The following CNOT11 variants were observed in gnomAD, a reference collection of about 807,000 sequenced individuals.
CNOT11 encodes the protein CCR4-NOT transcription complex subunit 11, also known as UPF0760 protein C2orf29.
A neutral mutation model predicts 44.6 loss-of-function variants in CNOT11; 18 were observed. That is an observed-to-expected ratio of 0.40 (90% confidence interval 0.28 to 0.60). The LOEUF is 0.60. Among genes scored for constraint, CNOT11 ranks in the 20% least tolerant of loss-of-function variants. The probability of loss-of-function intolerance (pLI) is 0.38; values close to 1 mark genes in which losing one functional copy is unlikely to be tolerated. For missense variants in CNOT11, 513 were observed against 677.0 expected (o/e 0.76, Z 2.69); for synonymous variants, 291 against 270.9 (o/e 1.07, Z -0.73).
intron 1 of CNOT11, among the ~76,000 whole-genome samples, chr2:101,256,624 C>T (rs900882430): frequency 6.6e-6 from 1 of 152,200 alleles, no homozygotes; most frequent in Non-Finnish European, 1.5e-5. Context: ...GCTGGTTGCT[C>T]TTCTATTTAT....
rs111239150 is a variant in CNOT11, at chr2:101,256,148, A to T, written c.515-1643A>T. Among the ~76,000 whole-genome samples the T allele has an allele frequency of 4.8e-3, 721 of 151,774 alleles. 10 individuals are homozygous for T. Among genetic ancestry groups the T allele is most frequent in the African/African-American group, 0.016 (680 of 41,326 alleles). ...AGTGAGACTGCCTCAAAAAAAAAAA[A>T]AATAGTGTAGAAGTTGAGGGATTTT... On this transcript the variant is annotated intron_variant, in intron 1 of 6. Transcript: ENST00000289382.
Position 101,270,284 on chromosome 2 carries a change from G to A in CNOT11, c.*871G>A, listed in dbSNP as rs1682083511. On this transcript the variant is annotated 3_prime_UTR_variant, in exon 7 of 7. Coordinates refer to ENST00000289382, the MANE Select transcript of CNOT11 (RefSeq NM_017546.5). ...CCTTTATGTGATTTTGGACAACAGT[G>A]CCTTCCATTAAAGTTCTTTTTATCA... 1 of 152,300 alleles carries A rather than the reference G, an allele frequency of 6.6e-6. No individual in the cohort carries two copies. The highest frequency in any genetic ancestry group is 6.6e-5 in the Admixed American group (1 of 15,252). The allele number at this position is 152,300 out of a possible 1,614,324, so 9.4% of individuals were successfully genotyped here. A position where few individuals can be genotyped will look rare whatever the true frequency, so the allele number is the denominator to read the frequency against.
At chr2:101,267,674 A>G (rs1346333350) in intron 5 of CNOT11, among the ~76,000 whole-genome samples, 2 of 152,106 alleles carry the variant, frequency 1.3e-5, no homozygotes, top group African/African-American at 2.4e-5. Flanking sequence ...TGTGCTGTAC[A>G]GTGTTTGCAT....
At chr2:101,266,364 T>C (rs1681982645) in intron 4 of CNOT11, among the ~76,000 whole-genome samples, 1 of 152,132 alleles carries the variant, frequency 6.6e-6, no homozygotes, top group Non-Finnish European at 1.5e-5. Context: ...GGACTTGACA[T>C]TGTTACAACC....
Position 101,252,929 on chromosome 2 carries a change from C to A in CNOT11, c.-36C>A, listed in dbSNP as rs1681651741. On this transcript the variant is annotated 5_prime_UTR_variant, in exon 1 of 7. Coordinates refer to ENST00000289382, the MANE Select transcript of CNOT11 (RefSeq NM_017546.5). ...GACGGAGCGAGCCGGCGCCAGGGCC[C>A]CTCGGGCCGGGAAGAGGGGAAGGGG... The A allele has an allele frequency of 7.1e-7, 1 of 1,403,476 alleles. No homozygotes were observed. The highest frequency in any genetic ancestry group is 9.2e-7 in the Non-Finnish European group (1 of 1,089,212). 86.9% of individuals were successfully genotyped at this position (1,403,476 alleles called of 1,614,324 possible).
Position 101,253,710 on chromosome 2 carries a change from A to G in CNOT11, c.514+232A>G, listed in dbSNP as rs75765810. ...TCGTGACACCGAAAATGATTTCTCT[A>G]TACACCCCATCACATCATACAGCTC... On this transcript the variant is annotated intron_variant, in intron 1 of 6. Coordinates refer to ENST00000289382, the MANE Select transcript of CNOT11 (RefSeq NM_017546.5). This position sits in a 1 kb window ranked among gnomAD's most constrained non-coding sequence, Gnocchi z 4.3. Among the ~76,000 whole-genome samples the G allele has an allele frequency of 2.6e-5, 4 of 152,276 alleles. No individual in the cohort carries two copies. The East Asian group carries it at 5.8e-4, about 22-fold the overall frequency.
intron 1 of CNOT11, among the ~76,000 whole-genome samples, chr2:101,255,876 G>T (rs1208305995): frequency 1.3e-5 from 2 of 152,170 alleles, no homozygotes; most frequent in Non-Finnish European, 2.9e-5. Flanking sequence ...GGTAGCTCAT[G>T]CCTGCAATCC....
intron 2 of CNOT11, among the ~76,000 whole-genome samples, chr2:101,259,173 C>T (rs1333071084): frequency 6.6e-6 from 1 of 152,140 alleles, no homozygotes; most frequent in East Asian, 1.9e-4. Context: ...TCTTGGCATC[C>T]TTGTTGAAAA....
At chr2:101,264,114 C>T (rs1351915588) in intron 3 of CNOT11, among the ~76,000 whole-genome samples, 1 of 152,158 alleles carries the variant, frequency 6.6e-6, no homozygotes, top group East Asian at 1.9e-4. Context: ...AGGAATAAGC[C>T]ACTCCTGCCC....
At chr2:101,265,123 C>T in intron 4 of CNOT11, 76 bp downstream of exon 4, 3 of 1,061,446 alleles carry the variant, frequency 2.8e-6, no homozygotes, top group Non-Finnish European at 3.9e-6. Flanking sequence ...GTTTTTGAGA[C>T]AGAGTCTCAC....
Position 101,266,821 on chromosome 2 carries a change from T to C in CNOT11, c.1180T>C (p.Tyr394His). 1 of 1,613,954 alleles carries C rather than the reference T, an allele frequency of 6.2e-7. No homozygotes were observed. Among genetic ancestry groups the C allele is most frequent in the Non-Finnish European group, 8.5e-7 (1 of 1,179,810 alleles). ...AATGCAGTCAAGCCAGATCACTGAGTATTTCTCTGTCCTGGTCAATATGGA... is the reference window on the plus strand; with the variant it reads ...AATGCAGTCAAGCCAGATCACTGAGCATTTCTCTGTCCTGGTCAATATGGA... ...KLMQSSQITE[Y>H]FSVLVNMDMS... Residue 394 changes from tyrosine to histidine, a missense_variant, in exon 5 of 7, where the codon TAT (tyrosine) becomes CAT (histidine). By Grantham distance (83) the Tyr-to-His change is moderately conservative. Transcript: ENST00000289382.
rs1031223992 is a variant in CNOT11 at position 101,270,101 on chromosome 2, T to C, written c.*688T>C. Reference sequence around the variant, plus strand: ...GTTTTTTTTTTTTCTCTTAAGATGTTCTGTTATTAGTCTGAGACAGCCATT... The same window carrying C: ...GTTTTTTTTTTTTCTCTTAAGATGTCCTGTTATTAGTCTGAGACAGCCATT... On this transcript the variant is annotated 3_prime_UTR_variant, in exon 7 of 7. Coordinates refer to ENST00000289382, the MANE Select transcript of CNOT11 (RefSeq NM_017546.5). The C allele has an allele frequency of 1.3e-5, 2 of 152,490 alleles. No individual in the cohort carries two copies. Among genetic ancestry groups the C allele is most frequent in the Non-Finnish European group, 2.9e-5 (2 of 68,020 alleles). 9.4% of individuals were successfully genotyped at this position (152,490 alleles called of 1,614,324 possible).
intron 5 of CNOT11, 44 bp downstream of exon 5, chr2:101,266,923 T>A (rs759408476): frequency 7.0e-7 from 1 of 1,433,580 alleles, no homozygotes; most frequent in Non-Finnish European, 9.8e-7. Flanking sequence ...TAGATACAGA[T>A]TAGATGGCCA....
chr2:101,264,933 C>A lies in CNOT11; in HGVS notation c.921C>A (p.Asp307Glu). ...ELAWLNPTEP[D>E]HAIQWDKSMC... is the part of the protein sequence containing the mutation. ...CTTGGCTAAACCCCACGGAGCCTGA[C>A]CACGCGATCCAGTGGGATAAATCGA... The change falls in exon 4 of 7, where the codon GAC becomes GAA. Residue 307 changes from aspartate to glutamate, a missense_variant. Coordinates refer to ENST00000289382, the MANE Select transcript of CNOT11 (RefSeq NM_017546.5). 1 of 1,614,122 alleles carries A rather than the reference C, an allele frequency of 6.2e-7. No individual in the cohort carries two copies. The highest frequency in any genetic ancestry group is 8.5e-7 in the Non-Finnish European group (1 of 1,179,982).
chr2:101,264,747 T>C (rs1426753331), intron 3 of CNOT11, 98 bp from the exon 4 acceptor site: 13 of 939,266 alleles, frequency 1.4e-5, no homozygotes, highest in South Asian at 5.9e-5. Flanking sequence ...ATCATCCTTA[T>C]TAAGAGATTT....
At chr2:101,264,757 T>C (rs778252476) in intron 3 of CNOT11, 88 bp from the exon 4 acceptor site, 63 of 1,044,066 alleles carry the variant, frequency 6.0e-5, no homozygotes, top group Non-Finnish European at 8.5e-5. Flanking sequence ...TTAAGAGATT[T>C]CTTTGCATAC....
chr2:101,268,206 T>G (rs201435461), intron 5 of CNOT11, among the ~76,000 whole-genome samples: 58 of 55,346 alleles, frequency 1.0e-3, no homozygotes, highest in South Asian at 4.1e-3. Flanking sequence ...ATCTCCCCCC[T>G]CTTTGTTCCA....
At chr2:101,254,667 G>A (rs952118299) in intron 1 of CNOT11, among the ~76,000 whole-genome samples, 4 of 152,044 alleles carry the variant, frequency 2.6e-5, no homozygotes, top group African/African-American at 7.2e-5. Context: ...AGGTTGGGGG[G>A]TGGGAATTGC....
In CNOT11 at chr2:101,264,977, C is replaced by G; in HGVS notation, c.965C>G (p.Thr322Ser). 4 of 1,614,162 alleles carry G rather than the reference C, an allele frequency of 2.5e-6. No homozygotes were observed. Among genetic ancestry groups the G allele is most frequent in the Non-Finnish European group, 3.4e-6 (4 of 1,179,994 alleles). The change falls in exon 4 of 7, where the codon ACT (threonine) becomes AGT (serine). Residue 322 changes from threonine (T) to serine (S), a missense_variant. This residue lies in a region of CNOT11 where 140 missense variants were observed against 169.8 expected (regional missense o/e 0.82). Coordinates refer to ENST00000289382, the MANE Select transcript of CNOT11 (RefSeq NM_017546.5). ...AAATCGATGTGTGTTAAGAATAGCA[C>G]TGGTGTGGAGATCAAACGAATAATG... is the stretch of plus-strand genomic sequence containing the variant. ...WDKSMCVKNS[T>S]GVEIKRIMAK...
Sources: gnomAD v4.1 joint callset for allele counts (sites outside exome capture counted in the v4.1 genomes callset) on GRCh38, gnomAD v4.1.1 for gene constraint, gnomAD v4.1.1 regional missense constraint, Gnocchi (gnomAD v3.1) non-coding constraint, MANE v1.5 for transcripts, NCBI Gene and HGNC (gene_info 2026-07-23, HGNC 2026-07-21) for gene names.